The following ZNF540 variants were observed in gnomAD, a reference collection of about 807,000 sequenced individuals.
The protein encoded by ZNF540 is zinc finger protein 540.
ZNF540 carries 3 observed loss-of-function variants against 11.8 expected under a neutral mutation model. That is an observed-to-expected ratio of 0.25 (90% CI 0.12 to 0.65). The LOEUF (loss-of-function observed/expected upper bound fraction) is 0.65. ZNF540 is among the 30% of genes least tolerant of loss of function. ZNF540 has a pLI of 0.83. For synonymous variants in ZNF540, 247 were observed against 259.0 expected (o/e 0.95, Z 0.45); for missense variants, 709 against 793.1 (o/e 0.89, Z 1.27).
chr19:37,612,357 A>C lies in ZNF540; in HGVS notation c.1077A>C (p.Glu359Asp), dbSNP rs956103859. 1 of 1,614,080 alleles carries C rather than the reference A, an allele frequency of 6.2e-7. No homozygotes were observed. Among genetic ancestry groups the C allele is most frequent in the Non-Finnish European group, 8.5e-7 (1 of 1,180,006 alleles). ...GTGTAAAACCCTACGAATGTAAGGA[A>C]TGTGGAAAGACCTTTAGACTTAGTT... ...HTGVKPYECK[E>D]CGKTFRLSFY... Residue 359 changes from glutamate (E) to aspartate (D), a missense_variant, in exon 5 of 5, where the codon GAA becomes GAC. Physicochemically the swap from Glu to Asp is conservative, Grantham distance 45 (BLOSUM62 2). Coordinates refer to ENST00000316433, the MANE Select transcript of ZNF540 (RefSeq NM_001172225.3).
chr19:37,556,239 A>C, intron 1 of ZNF540: 1 of 637,586 alleles, frequency 1.6e-6, no homozygotes, highest in African/African-American at 1.8e-5. Flanking sequence ...GTTTGCAAAT[A>C]CACATCCTGT....
chr19:37,612,642 TACTG>T lies in ZNF540; in HGVS notation c.1364_1367del (p.Thr455AsnfsTer9). 1 of 1,614,082 alleles carries T rather than the reference TACTG, an allele frequency of 6.2e-7. No individual in the cohort carries two copies. Among genetic ancestry groups the T allele is most frequent in the Non-Finnish European group, 8.5e-7 (1 of 1,179,992 alleles). ...AAGCCTTTATGCTTCGTTCAGTCCT[TACTG>T]AACATCAGAGACTTCATACTGGTGT... On this transcript the variant is annotated frameshift_variant, in exon 5 of 5. Transcript: ENST00000316433. LOFTEE classifies it low-confidence loss of function (END_TRUNC).
chr19:37,578,800 A>G lies in ZNF540; in HGVS notation c.-72-19576A>G, dbSNP rs113599551. 4.6e-3 allele frequency among the ~76,000 whole-genome samples: 693 copies of G among 152,144 alleles called. 4 individuals carry two copies. The highest frequency in any genetic ancestry group is 0.016 in the African/African-American group (671 of 41,542). On this transcript the variant is annotated intron_variant, in intron 1 of 4. Coordinates refer to the ZNF540 transcript ENST00000592533. ...CGGCTAAGGCTCTTCCAGCGCAGCA[A>G]CCGCACCTCTGCAGCAACCGCACCT...
intron 1 of ZNF540, among the ~76,000 whole-genome samples, chr19:37,578,901 C>A (rs1422075805): frequency 6.6e-6 from 1 of 152,218 alleles, no homozygotes; most frequent in Admixed American, 6.5e-5. Context: ...TAACACTTGG[C>A]ACCTCTGTAT....
At chr19:37,593,090 T>C (rs141383773), upstream of ZNF540, among the ~76,000 whole-genome samples, 74 of 152,200 alleles carry the variant, frequency 4.9e-4, no homozygotes, top group African/African-American at 1.7e-3. Context: ...TACACCAACA[T>C]AAGAAACAAA....
upstream of ZNF540, among the ~76,000 whole-genome samples, chr19:37,590,579 T>C (rs1334330000): frequency 1.3e-5 from 2 of 152,116 alleles, no homozygotes; most frequent in Non-Finnish European, 2.9e-5. Flanking sequence ...TACACTAATA[T>C]AATTATAGAT....
At chr19:37,589,864 C>CAAA (rs60136941), upstream of ZNF540, among the ~76,000 whole-genome samples, 5,152 of 29,512 alleles carry the variant, frequency 0.17, 1,826 homozygotes, top group African/African-American at 0.23. Context: ...GACTCCATCT[C>CAAA]AAAAAAAAAA....
At position 37,601,070 on chromosome 19, in the gene ZNF540, T is replaced by G. The variant is rs755237355; in HGVS notation, c.197T>G (p.Val66Gly). Residue 66 changes from valine (V) to glycine (G), a missense_variant, in exon 4 of 5, where the codon GTG (valine) becomes GGG (glycine). Transcript: ENST00000316433. ...CTGGAGCAAGGGAAAGAGCCCTGCG[T>G]GGTGGCGAGGGATGTGACAGGAAGA... ...TLLEQGKEPCVVARDVTGRQC... is the reference protein window; with the variant it reads ...TLLEQGKEPCGVARDVTGRQC... 6 of 1,588,920 alleles carry G rather than the reference T, an allele frequency of 3.8e-6. No homozygotes were observed. Among genetic ancestry groups the G allele is most frequent in the Non-Finnish European group, 5.1e-6 (6 of 1,167,668 alleles).
At chr19:37,586,439 G>A in intron 1 of ZNF540, 1 of 586,212 alleles carries the variant, frequency 1.7e-6, no homozygotes, top group East Asian at 2.9e-5. Flanking sequence ...GACTATGCCT[G>A]TGGACAATGT....
intron 4 of ZNF540, among the ~76,000 whole-genome samples, chr19:37,605,351 TAA>T (rs201052458): frequency 6.7e-6 from 1 of 149,938 alleles, no homozygotes. Context: ...AAACTTTATT[TAA>T]AAAAAAAGAA....
In ZNF540 at chr19:37,614,109, C is replaced by T. The variant is rs76598071; in HGVS notation, c.*846C>T. 3.8e-5 allele frequency: 14 copies of T among 366,628 alleles called. No individual in the cohort carries two copies. The highest frequency in any genetic ancestry group is 5.8e-5 in the Non-Finnish European group (12 of 207,098). The allele number at this position is 366,628 out of a possible 1,614,324, so 22.7% of individuals were successfully genotyped here. On this transcript the variant is annotated 3_prime_UTR_variant, in exon 5 of 5. Transcript: ENST00000316433. ...AGTTGTTTATAAGCCACTGAGTCTA[C>T]GATATTTTGTTATGCAGCCCAGATA... is the stretch of plus-strand genomic sequence containing the variant.
chr19:37,589,560 G>A (rs974303825), intron 1 of ZNF540, among the ~76,000 whole-genome samples: 4 of 151,880 alleles, frequency 2.6e-5, no homozygotes, highest in African/African-American at 4.8e-5. Flanking sequence ...AAATTGAAAC[G>A]AAATTGAGAA....
intron 4 of ZNF540, among the ~76,000 whole-genome samples, chr19:37,602,468 T>A (rs1691289199): frequency 6.6e-6 from 1 of 152,082 alleles, no homozygotes; most frequent in African/African-American, 2.4e-5. Context: ...ACTTAATTAT[T>A]TATGTGTTGT....
chr19:37,589,200 C>CAAAAAAAAAAAAAAAAAAAA (rs35689698), intron 1 of ZNF540, among the ~76,000 whole-genome samples: 1 of 108,904 alleles, frequency 9.2e-6, no homozygotes, highest in Non-Finnish European at 1.8e-5. Context: ...AACTCCGTCT[C>CAAAAAAAAAAAAAAAAAAAA]AAAAAAAAAA....
At chr19:37,598,586 G>A in intron 2 of ZNF540, 130 bp downstream of exon 2, 1 of 933,010 alleles carries the variant, frequency 1.1e-6, no homozygotes, top group Non-Finnish European at 1.7e-6. Context: ...TCCTCCCATG[G>A]GCCCCCTCTC....
chr19:37,552,684 A>C (rs1448989853), intron 1 of ZNF540, among the ~76,000 whole-genome samples: 1 of 152,174 alleles, frequency 6.6e-6, no homozygotes, highest in Non-Finnish European at 1.5e-5. Context: ...GCAGTGGGTC[A>C]TGCCTGTAAT....
rs2042846603 is a variant in ZNF540, at chr19:37,566,055, A to G, written c.-73+14390A>G. ...GGAATTATCCGATGAAAAGTAGAAGAGGTTGAATGACTTTCAGTGGCCTTT... is the reference window on the plus strand; with the variant it reads ...GGAATTATCCGATGAAAAGTAGAAGGGGTTGAATGACTTTCAGTGGCCTTT... On this transcript the variant is annotated intron_variant, in intron 1 of 4. Coordinates refer to the ZNF540 transcript ENST00000592533. 6.2e-7 allele frequency: 1 copy of G among 1,614,118 alleles called. No homozygotes were observed. The highest frequency in any genetic ancestry group is 8.5e-7 in the Non-Finnish European group (1 of 1,179,968).
chr19:37,613,722 G>C lies in ZNF540; in HGVS notation c.*459G>C. The C allele has an allele frequency of 5.0e-6, 2 of 398,226 alleles. No homozygotes were observed. Among genetic ancestry groups the C allele is most frequent in the Admixed American group, 8.8e-5 (2 of 22,732 alleles). 24.7% of individuals were successfully genotyped at this position (398,226 alleles called of 1,614,324 possible). The stretch of plus-strand genomic sequence containing the variant: ...CTTAATAGGAAGATGCAATGGAGAT[G>C]ACAAATTTGGAAAAACCACTCATCA... On this transcript the variant is annotated 3_prime_UTR_variant, in exon 5 of 5. Transcript: ENST00000316433.
At chr19:37,590,092 G>A (rs1234027673), upstream of ZNF540, among the ~76,000 whole-genome samples, 3 of 71,556 alleles carry the variant, frequency 4.2e-5, no homozygotes, top group Admixed American at 1.5e-4. Flanking sequence ...TGGATTGGAC[G>A]CCAGATAAGG....
Sources: allele counts gnomAD v4.1 joint callset (sites outside exome capture counted in the v4.1 genomes callset), GRCh38; gene constraint gnomAD v4.1.1; transcripts MANE v1.5; gene names NCBI Gene and HGNC (gene_info 2026-07-23, HGNC 2026-07-21).